Variants in COL21A1 observed in about 807,000 individuals in gnomAD.
The protein encoded by COL21A1 is collagen alpha-1(XXI) chain.
COL21A1 carries 149 observed loss-of-function variants against 137.9 expected under a neutral mutation model. That is an observed-to-expected ratio of 1.08 (90% CI 0.95 to 1.24). The LOEUF (loss-of-function observed/expected upper bound fraction) is 1.24. Among genes scored for constraint, COL21A1 ranks in the 50% most tolerant of loss-of-function variants. The pLI is 0.00. For synonymous variants in COL21A1, 456 were observed against 391.5 expected (o/e 1.16, Z -1.95); for missense variants, 1,167 against 1,158.4 (o/e 1.01, Z -0.11).
intron 16 of COL21A1, among the ~76,000 whole-genome samples, chr6:56,115,066 C>G (rs1771798211): frequency 6.6e-6 from 1 of 151,258 alleles, no homozygotes; most frequent in South Asian, 2.1e-4. Flanking sequence ...AAACCAAACA[C>G]CGCATATTCT....
At chr6:56,192,721 C>T in intron 1 of COL21A1, among the ~76,000 whole-genome samples, 1 of 152,166 alleles carries the variant, frequency 6.6e-6, no homozygotes, top group Non-Finnish European at 1.5e-5. Flanking sequence ...AATAGGAATG[C>T]TTTTACACTG....
At chr6:56,231,550 G>A (rs1781560949) in intron 1 of COL21A1, among the ~76,000 whole-genome samples, 1 of 151,820 alleles carries the variant, frequency 6.6e-6, no homozygotes, top group Non-Finnish European at 1.5e-5. Context: ...CAGGGGCTGA[G>A]AAGATAAGCA....
intron 17 of COL21A1, among the ~76,000 whole-genome samples, chr6:56,083,271 C>G (rs560381485): frequency 1.3e-5 from 2 of 152,088 alleles, no homozygotes; most frequent in African/African-American, 2.4e-5. Flanking sequence ...CATTTTCTTA[C>G]TGGCTGTAAA....
chr6:56,381,462 G>T (rs1209806373), intron 1 of COL21A1, among the ~76,000 whole-genome samples: 1 of 152,142 alleles, frequency 6.6e-6, no homozygotes, highest in Non-Finnish European at 1.5e-5. Flanking sequence ...TTACTTCAAA[G>T]GAGCACAATT....
chr6:56,208,619 A>G (rs1779954779), intron 1 of COL21A1, among the ~76,000 whole-genome samples: 2 of 152,222 alleles, frequency 1.3e-5, no homozygotes, highest in Non-Finnish European at 2.9e-5. Context: ...TATAGATTCA[A>G]TGCTATCCCC....
chr6:56,077,779 C>A, intron 17 of COL21A1: 3 of 488,936 alleles, frequency 6.1e-6, no homozygotes, highest in East Asian at 7.1e-5. Context: ...ATATTTAGAG[C>A]TTTAAATAAA....
intron 1 of COL21A1, among the ~76,000 whole-genome samples, chr6:56,382,498 T>C (rs1469311280): frequency 6.6e-6 from 1 of 152,104 alleles, no homozygotes; most frequent in Non-Finnish European, 1.5e-5. Flanking sequence ...CAAAAATTCA[T>C]AGGTTGAAGC....
At position 56,129,699 on chromosome 6, in the gene COL21A1, T is replaced by TGTGTGAGAGA. The variant is rs1450514214; in HGVS notation, c.1543-3551_1543-3550insTCTCTCACAC. On this transcript the variant is annotated intron_variant, in intron 12 of 29. Coordinates refer to ENST00000244728, the MANE Select transcript of COL21A1 (RefSeq NM_030820.4). ...GCGTGTGTGTGTGTGTGTGTGTGTG[T>TGTGTGAGAGA]GAGAGAGAGAGAGAGAGAGAGAGAC... Among the ~76,000 whole-genome samples the TGTGTGAGAGA allele has an allele frequency of 3.2e-3, 389 of 120,484 alleles. 1 individual carries two copies. The highest frequency in any genetic ancestry group is 4.2e-3 in the Non-Finnish European group (238 of 56,704). 79.0% of individuals were successfully genotyped at this position (120,484 alleles called of 152,430 possible).
intron 3 of COL21A1, among the ~76,000 whole-genome samples, chr6:56,174,056 T>C (rs1305707272): frequency 1.3e-5 from 2 of 152,040 alleles, no homozygotes; most frequent in Admixed American, 6.5e-5. Flanking sequence ...TTCACAAATA[T>C]GTAAAAATTA....
At chr6:56,260,721 G>C (rs1437477117) in intron 1 of COL21A1, among the ~76,000 whole-genome samples, 15 of 114,496 alleles carry the variant, frequency 1.3e-4, no homozygotes, top group African/African-American at 3.8e-4. Context: ...GGCAGGAAGG[G>C]AGGCAGGCAG....
At chr6:56,283,893 C>CTG (rs1239712127) in intron 1 of COL21A1, among the ~76,000 whole-genome samples, 2 of 152,064 alleles carry the variant, frequency 1.3e-5, no homozygotes, top group African/African-American at 4.8e-5. Flanking sequence ...CTCTCTCTCT[C>CTG]TCTCTCTCTC....
At chr6:56,106,872 C>T (rs1399126197) in intron 16 of COL21A1, among the ~76,000 whole-genome samples, 6 of 152,032 alleles carry the variant, frequency 3.9e-5, no homozygotes, top group East Asian at 1.9e-4. Context: ...CTGCAAGCTC[C>T]GCCTCCCGGG....
intron 1 of COL21A1, among the ~76,000 whole-genome samples, chr6:56,268,854 T>G (rs1763456397): frequency 6.6e-6 from 1 of 152,114 alleles, no homozygotes; most frequent in Non-Finnish European, 1.5e-5. Context: ...AGGAGAAAGT[T>G]GAAACTCAAT....
At chr6:56,259,088 G>C (rs1763187463) in intron 1 of COL21A1, among the ~76,000 whole-genome samples, 1 of 152,194 alleles carries the variant, frequency 6.6e-6, no homozygotes, top group Non-Finnish European at 1.5e-5. Context: ...AGCAGAAGCA[G>C]TGTTCTCAAG....
At chr6:56,276,468 C>A in intron 1 of COL21A1, 1 of 691,396 alleles carries the variant, frequency 1.4e-6, no homozygotes, top group Non-Finnish European at 2.4e-6. Context: ...TGTAAAAATA[C>A]ATACTTTTTT....
chr6:56,087,276 T>A (rs907075407), intron 17 of COL21A1, among the ~76,000 whole-genome samples: 1 of 152,162 alleles, frequency 6.6e-6, no homozygotes, highest in Non-Finnish European at 1.5e-5. Flanking sequence ...CAGACTTTCA[T>A]GACATTCTCT....
At chr6:56,154,207 A>C (rs1260758501) in intron 10 of COL21A1, among the ~76,000 whole-genome samples, 1 of 151,886 alleles carries the variant, frequency 6.6e-6, no homozygotes, top group Non-Finnish European at 1.5e-5. Context: ...CCACTCCACT[A>C]CCTCTCACTC....
rs376361306 is a variant in COL21A1 at position 56,164,526 on chromosome 6, A to G, written c.1288-20T>C. On this transcript the variant is annotated intron_variant, in intron 8 of 29. Transcript: ENST00000244728. ...AAGGCACTATAAAGACAAAAATGGA[A>G]ACAGACAACAAGCATGGAAAGACAT... The G allele has an allele frequency of 1.3e-6, 2 of 1,508,496 alleles. No homozygotes were observed. The highest frequency in any genetic ancestry group is 2.8e-5 in the African/African-American group (2 of 72,564). 93.4% of individuals were successfully genotyped at this position (1,508,496 alleles called of 1,614,324 possible).
At chr6:56,115,706 T>A (rs1771858480) in intron 16 of COL21A1, among the ~76,000 whole-genome samples, 1 of 151,988 alleles carries the variant, frequency 6.6e-6, no homozygotes, top group African/African-American at 2.4e-5. Flanking sequence ...TCTAGAGAAA[T>A]AGAAATATGT....
Sources: gnomAD v4.1 joint callset for allele counts (sites outside exome capture counted in the v4.1 genomes callset) on GRCh38, gnomAD v4.1.1 for gene constraint, MANE v1.5 for transcripts, NCBI Gene and HGNC (gene_info 2026-07-23, HGNC 2026-07-21) for gene names.